The following FHOD3 variants were observed in gnomAD, a reference collection of about 807,000 sequenced individuals.
The protein encoded by FHOD3 is FH1/FH2 domain-containing protein 3.
A neutral mutation model predicts 173.0 loss-of-function variants in FHOD3; 90 were observed. The ratio of observed to expected loss-of-function variants is 0.52; its 90% CI spans 0.44 to 0.62. FHOD3 has a LOEUF of 0.62. Among genes scored for constraint, FHOD3 ranks in the 20% least tolerant of loss-of-function variants. FHOD3 has a pLI of 0.00. For synonymous variants in FHOD3, 828 were observed against 823.0 expected (o/e 1.01, Z -0.10); for missense variants, 1,945 against 2,034.7 (o/e 0.96, Z 0.85).
Position 36,693,226 on chromosome 18 carries a change from A to G in FHOD3, c.2039A>G (p.Gln680Arg). The change falls in exon 17 of 29, where the codon CAG (glutamine) becomes CGG (arginine). Residue 680 changes from glutamine to arginine, a missense_variant. Around this residue, in one of 5 missense-constraint regions of FHOD3, gnomAD observed 1,099 missense variants for 1,051.2 expected, o/e 1.05. Coordinates refer to ENST00000590592, the MANE Select transcript of FHOD3 (RefSeq NM_001281740.3). ...AREERYKYLE[Q>R]LAAEEHEKEL... ...ACTTTCAGATACAAATACTTGGAAC[A>G]GTTGGCAGCTGAGGAGCACGAGAAG... 1.2e-6 allele frequency: 2 copies of G among 1,613,546 alleles called. No individual in the cohort carries two copies. Among genetic ancestry groups the G allele is most frequent in the Non-Finnish European group, 1.7e-6 (2 of 1,179,720 alleles).
At chr18:36,486,945 A>T (rs1031578118) in intron 3 of FHOD3, among the ~76,000 whole-genome samples, 1 of 152,212 alleles carries the variant, frequency 6.6e-6, no homozygotes, top group Non-Finnish European at 1.5e-5. Flanking sequence ...ATTTAGCATA[A>T]TATTGTTAGA....
At chr18:36,630,617 T>C (rs1241997556) in intron 10 of FHOD3, among the ~76,000 whole-genome samples, 1 of 152,010 alleles carries the variant, frequency 6.6e-6, no homozygotes, top group Non-Finnish European at 1.5e-5. Flanking sequence ...ATAAGAGAGG[T>C]GTGACAGTCT....
At chr18:36,472,277 C>T (rs1336131518) in intron 3 of FHOD3, among the ~76,000 whole-genome samples, 1 of 152,130 alleles carries the variant, frequency 6.6e-6, no homozygotes, top group Middle Eastern at 3.2e-3. Flanking sequence ...TAATGGCAAC[C>T]TCTCTCTCAC....
chr18:36,657,403 AT>A (rs1165375707), intron 13 of FHOD3, among the ~76,000 whole-genome samples: 1 of 152,218 alleles, frequency 6.6e-6, no homozygotes, highest in Non-Finnish European at 1.5e-5. Flanking sequence ...GAAATCTAGA[AT>A]TTTACAGATC....
intron 10 of FHOD3, among the ~76,000 whole-genome samples, chr18:36,644,873 G>A (rs889948703): frequency 2.0e-5 from 3 of 152,188 alleles, no homozygotes; most frequent in Admixed American, 6.5e-5. Flanking sequence ...AACCTCTCCA[G>A]CTCTACCTGG....
intron 14 of FHOD3, among the ~76,000 whole-genome samples, chr18:36,663,148 T>C (rs1450638702): frequency 2.6e-5 from 4 of 152,238 alleles, no homozygotes; most frequent in African/African-American, 9.6e-5. Flanking sequence ...TTTCTTCTAG[T>C]ACTTCTGTAG....
At chr18:36,494,745 C>G (rs1039539537) in intron 3 of FHOD3, among the ~76,000 whole-genome samples, 2 of 152,198 alleles carry the variant, frequency 1.3e-5, no homozygotes, top group African/African-American at 4.8e-5. Flanking sequence ...TCTTTGCACA[C>G]CTCCCACCTG....
chr18:36,653,000 C>A, intron 12 of FHOD3, 71 bp downstream of exon 12: 4 of 1,452,158 alleles, frequency 2.8e-6, no homozygotes, highest in Non-Finnish European at 3.6e-6. Context: ...TAACTGCACC[C>A]CTTGGCTTGG....
At chr18:36,478,670 T>C (rs1450621817) in intron 3 of FHOD3, among the ~76,000 whole-genome samples, 1 of 152,208 alleles carries the variant, frequency 6.6e-6, no homozygotes, top group Non-Finnish European at 1.5e-5. Context: ...GAGTGATTGT[T>C]CTAAAAGGTA....
intron 3 of FHOD3, among the ~76,000 whole-genome samples, chr18:36,444,196 A>AG (rs2051329762): frequency 6.6e-6 from 1 of 150,924 alleles, no homozygotes; most frequent in Admixed American, 6.6e-5. Context: ...CCGTCTCAAA[A>AG]AAAAAAAAAA....
intron 9 of FHOD3, among the ~76,000 whole-genome samples, chr18:36,618,425 G>C (rs1432119895): frequency 6.9e-6 from 1 of 145,548 alleles, no homozygotes; most frequent in Non-Finnish European, 1.5e-5. Flanking sequence ...TGATTCTCCT[G>C]CCTCAGCCTC....
intron 13 of FHOD3, among the ~76,000 whole-genome samples, chr18:36,654,311 AATCTAG>A (rs1272370162): frequency 1.3e-5 from 2 of 152,226 alleles, no homozygotes; most frequent in Non-Finnish European, 2.9e-5. Context: ...TAGGAGGGCT[AATCTAG>A]ATCTATGATC....
At chr18:36,571,831 C>T (rs932550494) in intron 5 of FHOD3, among the ~76,000 whole-genome samples, 23 of 152,296 alleles carry the variant, frequency 1.5e-4, no homozygotes, top group African/African-American at 4.8e-4. Flanking sequence ...CTTTGTACAA[C>T]AGTTATCTCA....
At chr18:36,498,676 CT>C (rs902584671) in intron 3 of FHOD3, among the ~76,000 whole-genome samples, 16 of 152,124 alleles carry the variant, frequency 1.1e-4, no homozygotes, top group Non-Finnish European at 2.1e-4. Context: ...ATACAAATCC[CT>C]TCTGAAAGCA....
chr18:36,391,480 G>A (rs1451509662), intron 3 of FHOD3, among the ~76,000 whole-genome samples: 1 of 152,116 alleles, frequency 6.6e-6, no homozygotes, highest in Non-Finnish European at 1.5e-5. Flanking sequence ...ATATACCATA[G>A]CCAGTGGTAA....
intron 25 of FHOD3, among the ~76,000 whole-genome samples, chr18:36,756,358 A>G (rs1456000926): frequency 6.6e-6 from 1 of 151,938 alleles, no homozygotes; most frequent in Non-Finnish European, 1.5e-5. Context: ...TTGCCCATGG[A>G]TTTCTCCCAT....
rs1214569095 is a variant in FHOD3, at chr18:36,730,777, G to A, written c.3549G>A (p.Glu1183=). Residue 1183 remains glutamate, a synonymous_variant, in exon 20 of 29, where the codon GAG becomes GAA. Coordinates refer to ENST00000590592, the MANE Select transcript of FHOD3 (RefSeq NM_001281740.3). ...TIKIAILNFD[E]YALNKEGIEK... ...AGATCGCCATTTTGAATTTTGATGA[G>A]TATGCCTTAAACAAAGAAGGAATCG... 3.7e-6 allele frequency: 6 copies of A among 1,614,090 alleles called. No individual in the cohort carries two copies. The highest frequency in any genetic ancestry group is 1.3e-5 in the African/African-American group (1 of 75,036).
At chr18:36,636,855 G>A (rs1014203014) in intron 10 of FHOD3, among the ~76,000 whole-genome samples, 2 of 152,054 alleles carry the variant, frequency 1.3e-5, no homozygotes, top group African/African-American at 4.8e-5. Flanking sequence ...AGGCCTTCTG[G>A]TATGAAACAC....
intron 3 of FHOD3, among the ~76,000 whole-genome samples, chr18:36,446,447 G>C (rs542650153): frequency 6.7e-6 from 1 of 149,184 alleles, no homozygotes; most frequent in Admixed American, 6.7e-5. Context: ...GCGCTGTCTC[G>C]TCAGCATTGG....
Sources: allele counts gnomAD v4.1 joint callset (sites outside exome capture counted in the v4.1 genomes callset), GRCh38; gene constraint gnomAD v4.1.1; regional missense constraint gnomAD v4.1.1; transcripts MANE v1.5; gene names NCBI Gene and HGNC (gene_info 2026-07-23, HGNC 2026-07-21).